Variants in TEX14 observed in about 807,000 individuals in gnomAD.
TEX14 encodes testis expressed 14, intercellular bridge forming factor.
In TEX14, 168 loss-of-function variants were observed where a neutral mutation model predicts 178.6. The ratio of observed to expected loss-of-function variants is 0.94; its 90% CI spans 0.83 to 1.07. The LOEUF (loss-of-function observed/expected upper bound fraction) is 1.07, where lower values mean the gene tolerates loss of function less well. Among genes scored for constraint, TEX14 ranks in the 50% least tolerant of loss-of-function variants. The pLI is 0.00. For missense variants in TEX14, 1,730 were observed against 1,753.6 expected (o/e 0.99, Z 0.24); for synonymous variants, 626 against 634.1 (o/e 0.99, Z 0.19).
chr17:58,657,987 G>T (rs1222028362), intron 1 of TEX14, among the ~76,000 whole-genome samples: 1 of 152,164 alleles, frequency 6.6e-6, no homozygotes, highest in Non-Finnish European at 1.5e-5. Context: ...GCACCACCCA[G>T]ATCAATAAAC....
At position 58,681,875 on chromosome 17, in the gene TEX14, A is replaced by C. The variant is rs1253405713; in HGVS notation, c.-2+10064T>G. ...AAAAACAAAAAAAAAGAAAAGAAAA[A>C]AGAAATCTGGTGGAACAACTCATGT... On this transcript the variant is annotated intron_variant, in intron 1 of 31. Coordinates refer to ENST00000349033, the MANE Select transcript of TEX14 (RefSeq NM_031272.5). 2.0e-5 allele frequency among the ~76,000 whole-genome samples: 3 copies of C among 152,082 alleles called. No individual in the cohort carries two copies. The East Asian group carries it at 5.8e-4, about 29-fold the overall frequency.
chr17:58,656,670 C>T (rs1237184390), intron 1 of TEX14, among the ~76,000 whole-genome samples: 1 of 151,132 alleles, frequency 6.6e-6, no homozygotes, highest in African/African-American at 2.4e-5. Flanking sequence ...AGGAGAATCG[C>T]TTGAACCTGG....
rs939487773 is a variant in TEX14 at position 58,586,233 on chromosome 17, T to C, written c.2789-151A>G. On this transcript the variant is annotated intron_variant, in intron 17 of 31. Coordinates refer to ENST00000349033, the MANE Select transcript of TEX14 (RefSeq NM_031272.5). ...TCATCCTTAGCTTGCCCTGTTTGGC[T>C]TGAATGGGAGGTCAGGGGAGAATTG... 1.1e-5 allele frequency: 9 copies of C among 841,940 alleles called. No individual in the cohort carries two copies. The African/African-American group carries it at 1.1e-4, about 10-fold the overall frequency. The allele number at this position is 841,940 out of a possible 1,614,324, so 52.2% of individuals were successfully genotyped here.
chr17:58,578,900 G>A (rs545196188), intron 20 of TEX14, among the ~76,000 whole-genome samples: 7 of 152,332 alleles, frequency 4.6e-5, no homozygotes, highest in Admixed American at 3.3e-4. Context: ...ATAACACTAC[G>A]CTGTTTGGGT....
chr17:58,602,663 T>C (rs1271425876), intron 11 of TEX14, 73 bp from the exon 12 acceptor site: 1 of 1,259,590 alleles, frequency 7.9e-7, no homozygotes, highest in South Asian at 1.4e-5. Context: ...AGAAATCAGA[T>C]GAAGCTGGGT....
chr17:58,666,474 A>C (rs1242557885), intron 1 of TEX14: 1 of 149,990 alleles, frequency 6.7e-6, no homozygotes, highest in African/African-American at 2.4e-5. Flanking sequence ...AAAAAAAAAA[A>C]AAAAAAAAAA....
chr17:58,665,553 G>A (rs891126899), intron 1 of TEX14, among the ~76,000 whole-genome samples: 1 of 151,736 alleles, frequency 6.6e-6, no homozygotes, highest in African/African-American at 2.4e-5. Flanking sequence ...CCGAGATCGC[G>A]CCACTGCACT....
Position 58,599,118 on chromosome 17 carries a change from C to T in TEX14, c.2227G>A (p.Glu743Lys), listed in dbSNP as rs1377165011. ...ATATTCCTCAGCCTATCATCATTCT[C>T]GTGCATTATTGTCTGCATAATCTTT... ...DLKIMQTIMH[E>K]NDDRLRNIEQ... Residue 743 changes from glutamate to lysine, a missense_variant, in exon 14 of 32, where the codon GAG (glutamate) becomes AAG (lysine). Physicochemically the swap from Glu to Lys is moderately conservative, Grantham distance 56 (BLOSUM62 1). Transcript: ENST00000349033. 2.5e-6 allele frequency: 4 copies of T among 1,614,158 alleles called. No individual in the cohort carries two copies. Among genetic ancestry groups the T allele is most frequent in the East Asian group, 2.2e-5 (1 of 44,880 alleles).
chr17:58,606,091 T>C (rs2045600328), intron 10 of TEX14, among the ~76,000 whole-genome samples: 2 of 152,220 alleles, frequency 1.3e-5, no homozygotes, highest in South Asian at 4.1e-4. Flanking sequence ...TGGGAATGTG[T>C]CCTCTCAGTT....
chr17:58,557,150 G>A (rs1468382602), intron 31 of TEX14, 103 bp from the exon 32 acceptor site: 25 of 998,804 alleles, frequency 2.5e-5, no homozygotes. Context: ...TTAAATTCAA[G>A]GGAAAGGAAT....
At chr17:58,607,377 C>T (rs934406644) in intron 10 of TEX14, among the ~76,000 whole-genome samples, 1 of 152,186 alleles carries the variant, frequency 6.6e-6, no homozygotes, top group Non-Finnish European at 1.5e-5. Flanking sequence ...CCATGCATTT[C>T]ACTTTATTCC....
chr17:58,676,569 G>C lies in TEX14; in HGVS notation c.-2+15370C>G, dbSNP rs142025758. 2.9e-3 allele frequency among the ~76,000 whole-genome samples: 442 copies of C among 151,930 alleles called. 16 individuals carry two copies. The East Asian group carries it at 0.057, about 20-fold the overall frequency. ...GAGTGAAACTCCATCTCAAACAAAA[G>C]AAAACAAAACAAAACAAAACCAACA... On this transcript the variant is annotated intron_variant, in intron 1 of 31. Coordinates refer to ENST00000349033, the MANE Select transcript of TEX14 (RefSeq NM_031272.5).
chr17:58,596,117 A>G (rs564591376), intron 14 of TEX14, among the ~76,000 whole-genome samples: 7 of 152,160 alleles, frequency 4.6e-5, no homozygotes, highest in African/African-American at 1.4e-4. Flanking sequence ...CGGGAGGTGG[A>G]AGTTGCAGTG....
chr17:58,599,008 T>C lies in TEX14; in HGVS notation c.2337A>G (p.Thr779=). The C allele has an allele frequency of 6.2e-7, 1 of 1,614,182 alleles. No homozygotes were observed. Among genetic ancestry groups the C allele is most frequent in the Non-Finnish European group, 8.5e-7 (1 of 1,180,028 alleles). Residue 779 remains threonine, a synonymous_variant, in exon 14 of 32, where the codon ACA becomes ACG. Transcript: ENST00000349033. ...MSLWATSREF[T]NAYKLPLAVG... ...CGGCCAGAGGTAACTTGTAGGCATT[T>C]GTAAACTCTCTTGAAGTGGCCCATA... is the stretch of plus-strand genomic sequence containing the variant.
chr17:58,653,232 G>A (rs385793), intron 1 of TEX14, among the ~76,000 whole-genome samples: 34,825 of 152,172 alleles, frequency 0.23, 5,154 homozygotes, highest in Middle Eastern at 0.41. Context: ...CACGGCGCCT[G>A]GTCTGAGAGT....
intron 2 of TEX14, among the ~76,000 whole-genome samples, chr17:58,647,298 G>A (rs918003182): frequency 1.3e-5 from 2 of 151,824 alleles, no homozygotes; most frequent in Non-Finnish European, 2.9e-5. Context: ...TTGGGAGGCC[G>A]AGGTGGGCAG....
chr17:58,565,136 C>T (rs1204184586), intron 27 of TEX14, among the ~76,000 whole-genome samples, 168 bp from the exon 28 acceptor site: 2 of 152,162 alleles, frequency 1.3e-5, no homozygotes, highest in African/African-American at 2.4e-5. Flanking sequence ...GTCTGCAGGC[C>T]ACCTGCATTT....
At chr17:58,578,721 G>A (rs1339355832) in intron 20 of TEX14, among the ~76,000 whole-genome samples, 1 of 152,200 alleles carries the variant, frequency 6.6e-6, no homozygotes, top group Non-Finnish European at 1.5e-5. Flanking sequence ...TGCAGGAAGA[G>A]GTGGGTGGCC....
intron 9 of TEX14, among the ~76,000 whole-genome samples, chr17:58,612,113 G>T (rs369752198): frequency 1.3e-5 from 2 of 152,232 alleles, no homozygotes; most frequent in East Asian, 3.8e-4. Flanking sequence ...AGCCAGGAAA[G>T]ATGTCTCCCA....
Sources: allele counts gnomAD v4.1 joint callset (sites outside exome capture counted in the v4.1 genomes callset), GRCh38; gene constraint gnomAD v4.1.1; transcripts MANE v1.5; gene names NCBI Gene and HGNC (gene_info 2026-07-23, HGNC 2026-07-21).